UBA6: variants seen among roughly 807,000 people sequenced by gnomAD.
The protein encoded by UBA6 is ubiquitin like modifier activating enzyme 6.
Under a neutral mutation model 148.3 loss-of-function variants are expected in UBA6, and 87 were observed. That is an observed-to-expected ratio of 0.59 (90% CI 0.49 to 0.70). The LOEUF is 0.70. Ranked by LOEUF, UBA6 falls within the 30% of genes least tolerant of loss-of-function variation. The probability of loss-of-function intolerance (pLI) is 0.00; values close to 1 mark genes in which losing one functional copy is unlikely to be tolerated. For synonymous variants in UBA6, 376 were observed against 401.0 expected (o/e 0.94, Z 0.75); for missense variants, 1,186 against 1,241.2 (o/e 0.96, Z 0.67).
chr4:67,680,005 A>T (rs891751593), intron 4 of UBA6, among the ~76,000 whole-genome samples: 1 of 152,214 alleles, frequency 6.6e-6, no homozygotes, highest in African/African-American at 2.4e-5. Context: ...TAAATCCATG[A>T]GTTTATCATA....
intron 13 of UBA6, among the ~76,000 whole-genome samples, chr4:67,658,468 G>A (rs977897983): frequency 9.2e-5 from 14 of 151,990 alleles, no homozygotes; most frequent in South Asian, 6.2e-4. Context: ...CAAATACCAC[G>A]TGTTCTCACT....
intron 26 of UBA6, 66 bp downstream of exon 26, chr4:67,630,400 A>T: frequency 1.0e-6 from 1 of 956,820 alleles, no homozygotes; most frequent in Non-Finnish European, 1.6e-6. Context: ...TGATGCAATT[A>T]GTGCATCAGT....
Position 67,670,289 on chromosome 4 carries a change from A to G in UBA6, c.669+181T>C, listed in dbSNP as rs1278647375. On this transcript the variant is annotated intron_variant, in intron 8 of 32. Transcript: ENST00000322244. ...GAGAAAATCCAGAATATTTTTAACA[A>G]TAATGTTCCAGTTTTAATACAATGC... Among the ~76,000 whole-genome samples, 8 of 152,182 alleles carry G rather than the reference A, an allele frequency of 5.3e-5. No homozygotes were observed. In the East Asian group the frequency reaches 1.2e-3, roughly 22 times the overall value.
intron 14 of UBA6, among the ~76,000 whole-genome samples, chr4:67,647,566 A>ATAGGAAAATAATC (rs1320947449): frequency 3.3e-5 from 5 of 152,158 alleles, no homozygotes; most frequent in African/African-American, 1.2e-4. Context: ...TTCACACACT[A>ATAGGAAAATAATC]TAGGAAAATA....
intron 4 of UBA6, 46 bp from the exon 5 acceptor site, chr4:67,678,579 T>C: frequency 9.7e-7 from 1 of 1,035,630 alleles, no homozygotes; most frequent in Non-Finnish European, 1.5e-6. Flanking sequence ...AGTTCAAGGA[T>C]ATGCACTCTC....
intron 2 of UBA6, among the ~76,000 whole-genome samples, chr4:67,686,067 G>C (rs900740393): frequency 3.9e-5 from 6 of 152,210 alleles, no homozygotes; most frequent in African/African-American, 1.4e-4. Flanking sequence ...TGCAAGTCCA[G>C]CATTGTTACA....
In UBA6 at chr4:67,673,763, A is replaced by T; in HGVS notation, c.480T>A (p.Thr160=). ...TCTTCTGCAATGGAAGTTTCATCTC[A>T]GTCAATACTACACACTGTTGAGAAA... ...FLDKYQCVVL[T]EMKLPLQKKI... The change falls in exon 7 of 33, where the codon ACT becomes ACA. Residue 160 remains threonine (T), a synonymous_variant. Transcript: ENST00000322244. 1 of 1,610,908 alleles carries T rather than the reference A, an allele frequency of 6.2e-7. No individual in the cohort carries two copies. Among genetic ancestry groups the T allele is most frequent in the South Asian group, 1.1e-5 (1 of 90,850 alleles).
At chr4:67,698,772 CA>C (rs1158141417) in intron 1 of UBA6, among the ~76,000 whole-genome samples, 1 of 152,148 alleles carries the variant, frequency 6.6e-6, no homozygotes, top group East Asian at 1.9e-4. Context: ...CCAGCCTGAC[CA>C]ACGTGGTGAA....
chr4:67,679,006 C>A (rs1730357748), intron 4 of UBA6, among the ~76,000 whole-genome samples: 2 of 151,918 alleles, frequency 1.3e-5, no homozygotes, highest in Non-Finnish European at 2.9e-5. Flanking sequence ...TGGAAATAAT[C>A]AAAATGCCCA....
At chr4:67,652,581 A>G (rs1729577732) in intron 13 of UBA6, among the ~76,000 whole-genome samples, 1 of 152,224 alleles carries the variant, frequency 6.6e-6, no homozygotes. Context: ...GAATAGGAAC[A>G]GCTCGTCTGC....
chr4:67,695,816 A>C (rs1379198762), intron 2 of UBA6, among the ~76,000 whole-genome samples: 1 of 152,170 alleles, frequency 6.6e-6, no homozygotes, highest in Non-Finnish European at 1.5e-5. Flanking sequence ...ATAGAGTACA[A>C]AACAGGATTT....
chr4:67,687,852 C>T (rs572070526), intron 2 of UBA6, among the ~76,000 whole-genome samples: 1 of 152,184 alleles, frequency 6.6e-6, no homozygotes, highest in Admixed American at 6.5e-5. Flanking sequence ...CCACATGACG[C>T]AAGTTTACAT....
intron 12 of UBA6, 22 bp from the exon 13 acceptor site, chr4:67,662,277 C>A (rs1388812772): frequency 1.2e-6 from 2 of 1,604,820 alleles, no homozygotes; most frequent in African/African-American, 1.3e-5. Flanking sequence ...AACAGAACAC[C>A]CTAACTTTAA....
In UBA6 at chr4:67,617,222, C is replaced by T. The variant is rs1038548086; in HGVS notation, c.*1775G>A. On this transcript the variant is annotated 3_prime_UTR_variant, in exon 33 of 33. Coordinates refer to ENST00000322244, the MANE Select transcript of UBA6 (RefSeq NM_018227.6). ...TATTTATGGACTGCTGAATTAACTA[C>T]CCGAAAAGTATCAGTTACTTTCAAA... 1.3e-5 allele frequency: 2 copies of T among 152,004 alleles called. No homozygotes were observed. The highest frequency in any genetic ancestry group is 2.4e-5 in the African/African-American group (1 of 41,378). 9.4% of individuals were successfully genotyped at this position (152,004 alleles called of 1,614,324 possible).
At chr4:67,621,562 G>A (rs1488988236) in intron 32 of UBA6, among the ~76,000 whole-genome samples, 1 of 152,200 alleles carries the variant, frequency 6.6e-6, no homozygotes, top group East Asian at 1.9e-4. Context: ...CAGCACTTTG[G>A]GAGGCTGAGG....
In UBA6 at chr4:67,657,863, C is replaced by T. The variant is rs368199737; in HGVS notation, c.1104+4326G>A. On this transcript the variant is annotated intron_variant, in intron 13 of 32. Coordinates refer to ENST00000322244, the MANE Select transcript of UBA6 (RefSeq NM_018227.6). ...AAAAAAGAAAACAAAAAACAAACAACCCCATCAAAAAGTGGGCAAAGGATA... is the reference window on the plus strand; with the variant it reads ...AAAAAAGAAAACAAAAAACAAACAATCCCATCAAAAAGTGGGCAAAGGATA... Among the ~76,000 whole-genome samples, 86 of 148,176 alleles carry T rather than the reference C, an allele frequency of 5.8e-4. 1 individual carries two copies. The highest frequency in any genetic ancestry group is 1.9e-3 in the African/African-American group (75 of 40,504).
chr4:67,700,749 T>C (rs1872231), intron 1 of UBA6, among the ~76,000 whole-genome samples: 13,323 of 152,154 alleles, frequency 0.088, 697 homozygotes, highest in African/African-American at 0.13. Context: ...GAACTCGCTC[T>C]CGACCGGAGC....
At chr4:67,664,086 T>C (rs1469552142) in intron 10 of UBA6, 139 bp from the exon 11 acceptor site, 1 of 547,294 alleles carries the variant, frequency 1.8e-6, no homozygotes, top group Non-Finnish European at 3.2e-6. Context: ...TGGTATGTTT[T>C]AACTGAAATA....
chr4:67,682,702 T>C (rs1730471730), intron 2 of UBA6, among the ~76,000 whole-genome samples: 1 of 152,144 alleles, frequency 6.6e-6, no homozygotes, highest in Non-Finnish European at 1.5e-5. Flanking sequence ...AGCCACAAGG[T>C]AGTAACAGGA....
Sources: gnomAD v4.1 joint callset for allele counts (sites outside exome capture counted in the v4.1 genomes callset) on GRCh38, gnomAD v4.1.1 for gene constraint, MANE v1.5 for transcripts, NCBI Gene and HGNC (gene_info 2026-07-23, HGNC 2026-07-21) for gene names.